The following NUP153 variants were observed in gnomAD, a reference collection of about 807,000 sequenced individuals.
NUP153 encodes the protein nuclear pore complex protein Nup153.
Under a neutral mutation model 134.6 loss-of-function variants are expected in NUP153, and 27 were observed. The observed-to-expected ratio is 0.20, with a 90% CI of 0.15 to 0.28. NUP153 has a LOEUF of 0.28. Among genes scored for constraint, NUP153 ranks in the 10% least tolerant of loss-of-function variants. NUP153 has a pLI of 1.00. For synonymous variants in NUP153, 640 were observed against 623.5 expected, an observed-to-expected ratio of 1.03 and a Z score of -0.40; for missense variants, 1,821 against 1,731.3, an observed-to-expected ratio of 1.05 and a Z score of -0.92.
chr6:17,690,800 T>C (rs1769226694), intron 1 of NUP153, among the ~76,000 whole-genome samples: 1 of 152,002 alleles, frequency 6.6e-6, no homozygotes, highest in African/African-American at 2.4e-5. Flanking sequence ...ACAAAAAAAA[T>C]GGAAGACATT....
At chr6:17,646,695 T>C (rs569473544) in intron 13 of NUP153, among the ~76,000 whole-genome samples, 3 of 152,032 alleles carry the variant, frequency 2.0e-5, no homozygotes, top group Non-Finnish European at 2.9e-5. Flanking sequence ...ATAATGATGG[T>C]GTGTTCCTAA....
chr6:17,701,846 A>AGGGGGGGGGG (rs1561916995), intron 1 of NUP153, among the ~76,000 whole-genome samples: 1 of 65,642 alleles, frequency 1.5e-5, no homozygotes, highest in Non-Finnish European at 3.6e-5. Context: ...GGGGGGGGGA[A>AGGGGGGGGGG]AAAAGCTAAA....
At chr6:17,619,298 G>T (rs1764519979) in intron 20 of NUP153, among the ~76,000 whole-genome samples, 1 of 152,140 alleles carries the variant, frequency 6.6e-6, no homozygotes, top group Non-Finnish European at 1.5e-5. Flanking sequence ...GAGATGTATG[G>T]CCTCAATGTT....
intron 14 of NUP153, among the ~76,000 whole-genome samples, chr6:17,641,521 G>A (rs943573257): frequency 3.3e-5 from 5 of 152,026 alleles, no homozygotes; most frequent in Non-Finnish European, 7.4e-5. Flanking sequence ...GTGACAGAGC[G>A]AGACTCCGTC....
At chr6:17,704,030 C>T (rs530000451) in intron 1 of NUP153, among the ~76,000 whole-genome samples, 1 of 152,344 alleles carries the variant, frequency 6.6e-6, no homozygotes, top group South Asian at 2.1e-4. Context: ...CGGTGGCTCA[C>T]GCCTGTAATC....
chr6:17,661,637 G>T lies in NUP153; in HGVS notation c.1395+16C>A. 1 of 1,609,474 alleles carries T rather than the reference G, an allele frequency of 6.2e-7. No homozygotes were observed. Among genetic ancestry groups the T allele is most frequent in the South Asian group, 1.1e-5 (1 of 90,330 alleles). ...TTTTAAATAAACCTCAAGAGTATAT[G>T]AGTATACAACCCTACCTCCTCCTCC... On this transcript the variant is annotated intron_variant, in intron 11 of 21. Transcript: ENST00000262077.
At chr6:17,695,757 C>A (rs1388046407) in intron 1 of NUP153, among the ~76,000 whole-genome samples, 2 of 152,154 alleles carry the variant, frequency 1.3e-5, no homozygotes, top group Non-Finnish European at 2.9e-5. Flanking sequence ...CGCCTGTAAT[C>A]CCAACACTTT....
chr6:17,675,880 A>C lies in NUP153; in HGVS notation c.335-110T>G. On this transcript the variant is annotated intron_variant, in intron 2 of 21. Transcript: ENST00000262077. The surrounding 1 kb of genome is among the most constrained non-coding windows in gnomAD (Gnocchi z 4.4). The stretch of plus-strand genomic sequence containing the variant: ...TACAGTATATAATAGCTTCAATTCA[A>C]ATCACTGGGGCATCCCATAATAAGC... The C allele has an allele frequency of 9.7e-7, 1 of 1,027,004 alleles. No individual in the cohort carries two copies. The highest frequency in any genetic ancestry group is 1.5e-6 in the Non-Finnish European group (1 of 677,856). 63.6% of individuals were successfully genotyped at this position (1,027,004 alleles called of 1,614,324 possible).
intron 20 of NUP153, among the ~76,000 whole-genome samples, chr6:17,619,822 G>A (rs918403954): frequency 3.3e-5 from 5 of 152,124 alleles, no homozygotes; most frequent in Admixed American, 3.3e-4. Context: ...ATCCGGCCAG[G>A]CGCTGTGGCT....
intron 11 of NUP153, among the ~76,000 whole-genome samples, chr6:17,652,998 C>T (rs1213718527): frequency 6.6e-6 from 1 of 152,142 alleles, no homozygotes; most frequent in Non-Finnish European, 1.5e-5. Context: ...CATTGTACTC[C>T]AGCCTAGCAT....
chr6:17,632,511 T>A (rs1765308995), intron 17 of NUP153, 139 bp downstream of exon 17: 1 of 616,738 alleles, frequency 1.6e-6, no homozygotes, highest in Non-Finnish European at 2.7e-6. Context: ...AACTAAAACA[T>A]CTCAGGATAA....
intron 2 of NUP153, among the ~76,000 whole-genome samples, chr6:17,678,472 T>G (rs1581749853): frequency 6.6e-6 from 1 of 151,372 alleles, no homozygotes; most frequent in South Asian, 2.1e-4. Flanking sequence ...TTTTAGCAAA[T>G]GTCTATTTAC....
At chr6:17,636,706 A>T (rs1223426473) in intron 16 of NUP153, among the ~76,000 whole-genome samples, 2 of 152,192 alleles carry the variant, frequency 1.3e-5, no homozygotes, top group Non-Finnish European at 2.9e-5. Flanking sequence ...GTGATTTGGT[A>T]ATTTACAATC....
chr6:17,665,073 A>G (rs1767442230), intron 9 of NUP153, among the ~76,000 whole-genome samples, 166 bp downstream of exon 9: 1 of 151,868 alleles, frequency 6.6e-6, no homozygotes, highest in African/African-American at 2.4e-5. Context: ...AAATTTGATC[A>G]AGGTGACAGC....
At chr6:17,631,854 C>G (rs1263381396) in intron 17 of NUP153, among the ~76,000 whole-genome samples, 1 of 152,130 alleles carries the variant, frequency 6.6e-6, no homozygotes, top group African/African-American at 2.4e-5. Context: ...GTAGTCCCAG[C>G]TACTCGGGAG....
chr6:17,622,188 G>C (rs935321256), intron 20 of NUP153, among the ~76,000 whole-genome samples: 2 of 152,114 alleles, frequency 1.3e-5, no homozygotes, highest in Non-Finnish European at 2.9e-5. Context: ...AGTAGCTCAC[G>C]CCTGTAATCC....
chr6:17,625,767 G>A lies in NUP153; in HGVS notation c.3901+41C>T, dbSNP rs1764907435. The A allele has an allele frequency of 2.8e-6, 4 of 1,436,440 alleles. No homozygotes were observed. Among genetic ancestry groups the A allele is most frequent in the Non-Finnish European group, 3.9e-6 (4 of 1,024,334 alleles). 89.0% of individuals were successfully genotyped at this position (1,436,440 alleles called of 1,614,324 possible). On this transcript the variant is annotated intron_variant, in intron 19 of 21. Transcript: ENST00000262077. The surrounding 1 kb of genome is among the most constrained non-coding windows in gnomAD (Gnocchi z 4.7). ...AAGAACTGACACACTAATAAGTAAAGTCCATCCAATTACAATGCATTTTTT... is the reference window on the plus strand; with the variant it reads ...AAGAACTGACACACTAATAAGTAAAATCCATCCAATTACAATGCATTTTTT...
chr6:17,684,631 A>G (rs1315328536), intron 2 of NUP153, among the ~76,000 whole-genome samples: 1 of 152,202 alleles, frequency 6.6e-6, no homozygotes, highest in Non-Finnish European at 1.5e-5. Context: ...TGCATTCACA[A>G]GTTGGCTAAC....
chr6:17,673,047 A>G (rs1036869543), intron 5 of NUP153, among the ~76,000 whole-genome samples: 8 of 151,966 alleles, frequency 5.3e-5, no homozygotes, highest in African/African-American at 1.7e-4. Context: ...ACACACACGC[A>G]CACACACACA....
Sources: gnomAD v4.1 joint callset for allele counts (sites outside exome capture counted in the v4.1 genomes callset) on GRCh38, gnomAD v4.1.1 for gene constraint, Gnocchi (gnomAD v3.1) non-coding constraint, MANE v1.5 for transcripts, NCBI Gene and HGNC (gene_info 2026-07-23, HGNC 2026-07-21) for gene names.